CACNA1S: variants seen among roughly 807,000 people sequenced by gnomAD.
CACNA1S encodes the protein calcium voltage-gated channel subunit alpha1 S.
A neutral mutation model predicts 207.4 loss-of-function variants in CACNA1S; 126 were observed. The ratio of observed to expected loss-of-function variants is 0.61; its 90% CI spans 0.53 to 0.70. The LOEUF (loss-of-function observed/expected upper bound fraction) is 0.70. Among genes scored for constraint, CACNA1S ranks in the 30% least tolerant of loss-of-function variants. The pLI, the probability that CACNA1S is intolerant of heterozygous loss-of-function variation, is 0.00. For synonymous variants in CACNA1S, 960 were observed against 932.7 expected (o/e 1.03, Z -0.53); for missense variants, 2,349 against 2,422.8 (o/e 0.97, Z 0.64).
At chr1:201,081,384 G>A (rs1661833726) in intron 10 of CACNA1S, among the ~76,000 whole-genome samples, 1 of 152,292 alleles carries the variant, frequency 6.6e-6, no homozygotes, top group African/African-American at 2.4e-5. Context: ...GTAGTGGGGA[G>A]GGCACTGAGT....
chr1:201,091,505 G>T, intron 5 of CACNA1S, 135 bp downstream of exon 5: 1 of 1,002,078 alleles, frequency 1.0e-6, no homozygotes. Context: ...CCTTATCCAG[G>T]AGAAACCCAT....
intron 7 of CACNA1S, 48 bp downstream of exon 7, chr1:201,087,778 C>T: frequency 7.8e-7 from 1 of 1,282,002 alleles, no homozygotes; most frequent in Non-Finnish European, 1.1e-6. Context: ...CTCCTTCTCC[C>T]CTCCTCCTCT....
At chr1:201,049,711 G>A (rs1043710516) in intron 34 of CACNA1S, among the ~76,000 whole-genome samples, 1 of 152,200 alleles carries the variant, frequency 6.6e-6, no homozygotes, top group Non-Finnish European at 1.5e-5. Context: ...TCTCCAGAGG[G>A]CTGAATGAGG....
chr1:201,059,474 C>T (rs761476426), intron 26 of CACNA1S, among the ~76,000 whole-genome samples, 175 bp from the exon 27 acceptor site: 4 of 152,170 alleles, frequency 2.6e-5, no homozygotes, highest in Non-Finnish European at 5.9e-5. Context: ...CCCTGAGTTC[C>T]GCCAAATTTT....
chr1:201,112,292 G>C lies in CACNA1S; in HGVS notation c.48C>G (p.Pro16=). ...GCAGAATCTCAGGAACTGGCTTCTT[G>C]GGCTGTTTCTTCCTCAGGCCTTCAT... ...PQDEGLRKKQ[P]KKPVPEILPR... The change falls in exon 1 of 44, where the codon CCC becomes CCG. Residue 16 remains proline (P), a synonymous_variant. Transcript: ENST00000362061. The C allele has an allele frequency of 6.2e-7, 1 of 1,613,886 alleles. No individual in the cohort carries two copies. Among genetic ancestry groups the C allele is most frequent in the Non-Finnish European group, 8.5e-7 (1 of 1,179,952 alleles).
intron 36 of CACNA1S, 23 bp from the exon 37 acceptor site, chr1:201,047,649 G>A (rs763417354): frequency 2.6e-6 from 4 of 1,552,000 alleles, no homozygotes; most frequent in African/African-American, 1.4e-5. Context: ...AAAGGCAAAA[G>A]TTACCCAGAT....
Position 201,040,342 on chromosome 1 carries a change from G to C in CACNA1S, c.5259C>G (p.Asp1753Glu). The C allele has an allele frequency of 6.2e-7, 1 of 1,613,772 alleles. No homozygotes were observed. Among genetic ancestry groups the C allele is most frequent in the South Asian group, 1.1e-5 (1 of 91,030 alleles). Residue 1753 changes from aspartate (D) to glutamate (E), a missense_variant, in exon 43 of 44, where the codon GAC (aspartate) becomes GAG (glutamate). Coordinates refer to ENST00000362061, the MANE Select transcript of CACNA1S (RefSeq NM_000069.3). ...CPRVESSMPE[D>E]RKSSTPGSLH... ...GAGACCCTGGTGTGGAGCTCTTTCTGTCCTCAGGCATGGAGGACTCCACCC... is the reference window on the plus strand; with the variant it reads ...GAGACCCTGGTGTGGAGCTCTTTCTCTCCTCAGGCATGGAGGACTCCACCC...
At chr1:201,062,917 T>C (rs1435445411) in intron 22 of CACNA1S, among the ~76,000 whole-genome samples, 1 of 152,194 alleles carries the variant, frequency 6.6e-6, no homozygotes, top group Non-Finnish European at 1.5e-5. Context: ...CAGGAGGCCT[T>C]CTGTGGTCTC....
rs1039256504 is a variant in CACNA1S, at chr1:201,056,995, C to A, written c.3609+1413G>T. Among the ~76,000 whole-genome samples, 27 of 152,236 alleles carry A rather than the reference C, an allele frequency of 1.8e-4. 1 individual carries two copies. Among genetic ancestry groups the A allele is most frequent in the Non-Finnish European group, 8.8e-5 (6 of 68,046 alleles). ...CTCTCACCTGGATCACTGCGGGAAC[C>A]CCCTGACTGCTCTCGCTGGGTCAGC... is the stretch of plus-strand genomic sequence containing the variant. On this transcript the variant is annotated intron_variant, in intron 28 of 43. Coordinates refer to ENST00000362061, the MANE Select transcript of CACNA1S (RefSeq NM_000069.3).
intron 34 of CACNA1S, among the ~76,000 whole-genome samples, chr1:201,049,316 C>A (rs941154906): frequency 6.6e-6 from 1 of 152,226 alleles, no homozygotes; most frequent in African/African-American, 2.4e-5. Context: ...CCAAAATAGG[C>A]TCTCTCCTTT....
rs944395146 is a variant in CACNA1S, at chr1:201,094,098, T to C, written c.259-77A>G. On this transcript the variant is annotated intron_variant, in intron 2 of 43. Transcript: ENST00000362061. ...CTTGCTCTCTTCCCTGCAGCCGTGC[T>C]GGGTTCCCTGCTGTTGCTCAGGCAC... 7 of 1,572,486 alleles carry C rather than the reference T, an allele frequency of 4.5e-6. No individual in the cohort carries two copies. In the Admixed American group the frequency reaches 1.2e-4, roughly 26 times the overall value.
rs2102136981 is a variant in CACNA1S at position 201,073,546 on chromosome 1, C to T, written c.2157+3G>A. 3 of 1,611,400 alleles carry T rather than the reference C, an allele frequency of 1.9e-6. No homozygotes were observed. The South Asian group carries it at 3.3e-5, about 18-fold the overall frequency. ...CTCTAACATCCCCACCTGAGGTGCT[C>T]ACCTTGGCAGTGGTGGGGATGCCCT... On this transcript the variant is annotated splice_donor_region_variant and intron_variant, in intron 15 of 43. Transcript: ENST00000362061.
In CACNA1S at chr1:201,095,324, T is replaced by C. The variant is rs140834243; in HGVS notation, c.259-1303A>G. On this transcript the variant is annotated intron_variant, in intron 2 of 43. Transcript: ENST00000362061. ...CACTCACACCCATGGAAGCATCTCCTGGGACCAGGGGCCCACCCCATCAGC... is the reference window on the plus strand; with the variant it reads ...CACTCACACCCATGGAAGCATCTCCCGGGACCAGGGGCCCACCCCATCAGC... 4.7e-4 allele frequency among the ~76,000 whole-genome samples: 71 copies of C among 152,250 alleles called. 2 individuals carry two copies. In the East Asian group the frequency reaches 0.013, roughly 29 times the overall value.
intron 19 of CACNA1S, among the ~76,000 whole-genome samples, chr1:201,068,405 C>A (rs1015002080): frequency 1.3e-5 from 2 of 150,714 alleles, no homozygotes; most frequent in Non-Finnish European, 1.5e-5. Flanking sequence ...GCCATGCCTG[C>A]CTAATTTTTG....
intron 39 of CACNA1S, 95 bp from the exon 40 acceptor site, chr1:201,043,626 G>A (rs778201610): frequency 7.0e-6 from 8 of 1,139,660 alleles, no homozygotes; most frequent in Non-Finnish European, 1.0e-5. Flanking sequence ...ACAAGCAATA[G>A]TATTGGGAGA....
chr1:201,095,166 A>ATG (rs1662376532), intron 2 of CACNA1S, among the ~76,000 whole-genome samples: 1 of 151,104 alleles, frequency 6.6e-6, no homozygotes, highest in African/African-American at 2.5e-5. Context: ...ACATATATAT[A>ATG]TATACACACA....
chr1:201,082,531 C>T (rs895946529), intron 10 of CACNA1S, among the ~76,000 whole-genome samples: 3 of 152,176 alleles, frequency 2.0e-5, no homozygotes, highest in Non-Finnish European at 2.9e-5. Context: ...GCTTGTTTAC[C>T]TATCCTTTAA....
At position 201,039,728 on chromosome 1, in the gene CACNA1S, G is replaced by C; in HGVS notation, c.*103C>G. On this transcript the variant is annotated 3_prime_UTR_variant, in exon 44 of 44. Coordinates refer to ENST00000362061, the MANE Select transcript of CACNA1S (RefSeq NM_000069.3). ...CAGGCCATGCATCTAGCTGCTGAGA[G>C]GGAGGGAGGCTGCTGCGGTGGGCTA... 1 of 1,504,890 alleles carries C rather than the reference G, an allele frequency of 6.6e-7. No individual in the cohort carries two copies. The highest frequency in any genetic ancestry group is 2.3e-5 in the East Asian group (1 of 44,352). The allele number at this position is 1,504,890 out of a possible 1,614,324, so 93.2% of individuals were successfully genotyped here.
At chr1:201,091,530 G>T in intron 5 of CACNA1S, 110 bp downstream of exon 5, 4 of 1,210,840 alleles carry the variant, frequency 3.3e-6, no homozygotes, top group Non-Finnish European at 4.9e-6. Flanking sequence ...AAGGTCAACA[G>T]ATGTGGGCGG....
Sources: gnomAD v4.1 joint callset for allele counts (sites outside exome capture counted in the v4.1 genomes callset) on GRCh38, gnomAD v4.1.1 for gene constraint, MANE v1.5 for transcripts, NCBI Gene and HGNC (gene_info 2026-07-23, HGNC 2026-07-21) for gene names.